The following RBFOX1 variants were observed in gnomAD, a reference collection of about 807,000 sequenced individuals.
RBFOX1 encodes RNA binding protein fox-1 homolog 1.
Under a neutral mutation model 57.7 loss-of-function variants are expected in RBFOX1, and 8 were observed. The observed-to-expected ratio is 0.14, with a 90% CI of 0.08 to 0.25. RBFOX1 has a LOEUF of 0.25. RBFOX1 is among the 10% of genes least tolerant of loss of function. The pLI, the probability that RBFOX1 is intolerant of heterozygous loss-of-function variation, is 1.00. For missense variants in RBFOX1, 611 were observed against 548.5 expected, an observed-to-expected ratio of 1.11 and a Z score of -1.14; for synonymous variants, 326 against 222.4, an observed-to-expected ratio of 1.47 and a Z score of -4.15.
At chr16:5,813,732 C>T (rs1489994758) in intron 3 of RBFOX1, among the ~76,000 whole-genome samples, 3 of 152,198 alleles carry the variant, frequency 2.0e-5, no homozygotes, top group Non-Finnish European at 4.4e-5. Flanking sequence ...ATGCTCTTAG[C>T]AGAGCTACTG....
At chr16:7,237,859 C>G (rs974941216) in intron 4 of RBFOX1, among the ~76,000 whole-genome samples, 1 of 152,116 alleles carries the variant, frequency 6.6e-6, no homozygotes, top group Non-Finnish European at 1.5e-5. Flanking sequence ...GAAAAATTAG[C>G]TGGACATGGT....
At chr16:7,637,487 A>G (rs1249436505) in intron 11 of RBFOX1, among the ~76,000 whole-genome samples, 1 of 152,212 alleles carries the variant, frequency 6.6e-6, no homozygotes, top group African/African-American at 2.4e-5. Context: ...AGAAACATAC[A>G]TAAATCAGGC....
intron 4 of RBFOX1, among the ~76,000 whole-genome samples, chr16:7,220,406 A>G (rs944152599): frequency 2.6e-5 from 4 of 152,192 alleles, no homozygotes; most frequent in East Asian, 1.9e-4. Flanking sequence ...AGAAGGTGCA[A>G]TGCATTACAA....
At chr16:6,044,267 T>G (rs958693441) in intron 1 of RBFOX1, among the ~76,000 whole-genome samples, 3 of 152,186 alleles carry the variant, frequency 2.0e-5, no homozygotes, top group African/African-American at 7.2e-5. Context: ...CCCCGAATCC[T>G]AAGGTGCTGT....
At chr16:7,567,823 ATATATATCCCCATATATATACC>A (rs1471996688) in intron 5 of RBFOX1, among the ~76,000 whole-genome samples, 3 of 149,128 alleles carry the variant, frequency 2.0e-5, no homozygotes, top group African/African-American at 7.4e-5. Context: ...ATATATACCT[ATATATATCCCCATATATATACC>A]TATATATATC....
At chr16:6,698,258 T>A (rs1224411926) in intron 3 of RBFOX1, among the ~76,000 whole-genome samples, 1 of 152,210 alleles carries the variant, frequency 6.6e-6, no homozygotes, top group Non-Finnish European at 1.5e-5. Context: ...CATTAAGATG[T>A]CCACAGAAGA....
intron 3 of RBFOX1, chr16:6,705,108 C>G (rs2062496810): frequency 6.6e-6 from 1 of 152,124 alleles, no homozygotes; most frequent in Non-Finnish European, 1.5e-5. Flanking sequence ...CCCTGTGGTC[C>G]TAGAGTTTCT....
At chr16:7,508,378 T>G (rs2074049546) in intron 4 of RBFOX1, among the ~76,000 whole-genome samples, 1 of 152,132 alleles carries the variant, frequency 6.6e-6, no homozygotes, top group Non-Finnish European at 1.5e-5. Flanking sequence ...TGTCTCTCTT[T>G]CCAAGGTTGA....
At chr16:6,204,660 G>A (rs528687111) in intron 1 of RBFOX1, among the ~76,000 whole-genome samples, 66 of 152,228 alleles carry the variant, frequency 4.3e-4, no homozygotes, top group African/African-American at 1.6e-3. Flanking sequence ...CTTAAAATGA[G>A]CCATTTATGG....
chr16:5,415,739 A>C (rs517827), intron 1 of RBFOX1, among the ~76,000 whole-genome samples: 90,675 of 152,090 alleles, frequency 0.6, 27,195 homozygotes, highest in Admixed American at 0.67. Flanking sequence ...AAAGGTGATT[A>C]TATTTAAAGA....
chr16:7,256,972 G>C (rs1050830151), intron 4 of RBFOX1, among the ~76,000 whole-genome samples: 1 of 152,080 alleles, frequency 6.6e-6, no homozygotes, highest in East Asian at 1.9e-4. Flanking sequence ...ATGTGTCATG[G>C]CTGGCATTCT....
intron 10 of RBFOX1, among the ~76,000 whole-genome samples, chr16:7,622,890 G>A (rs2059527194): frequency 6.6e-6 from 1 of 152,182 alleles, no homozygotes; most frequent in Admixed American, 6.5e-5. Context: ...AAAAGCATTA[G>A]GGATTAACTG....
At position 6,537,826 on chromosome 16, in the gene RBFOX1, C is replaced by A. The variant is rs192076006; in HGVS notation, c.-63-116777C>A. Among the ~76,000 whole-genome samples the A allele has an allele frequency of 5.3e-5, 8 of 152,060 alleles. No individual in the cohort carries two copies. The East Asian group carries it at 1.5e-3, about 29-fold the overall frequency. On this transcript the variant is annotated intron_variant, in intron 2 of 15. Transcript: ENST00000550418. ...TTCAGGAAATGATTTACATATCCAG[C>A]AGGAGTGATTTTCTTTATATATAGA...
intron 4 of RBFOX1, among the ~76,000 whole-genome samples, chr16:7,267,548 A>T (rs181788850): frequency 2.6e-4 from 39 of 151,720 alleles, no homozygotes; most frequent in Non-Finnish European, 3.8e-4. Flanking sequence ...CAAAAAATTT[A>T]AAAAAATAAT....
At chr16:7,613,822 T>C (rs1596507675) in intron 10 of RBFOX1, among the ~76,000 whole-genome samples, 1 of 152,286 alleles carries the variant, frequency 6.6e-6, no homozygotes, top group East Asian at 1.9e-4. Flanking sequence ...ACAATTTGGA[T>C]ACAATAGCAT....
chr16:7,312,992 T>A (rs2096352811), intron 4 of RBFOX1, among the ~76,000 whole-genome samples: 1 of 152,068 alleles, frequency 6.6e-6, no homozygotes, highest in African/African-American at 2.4e-5. Flanking sequence ...CCGGGGAAGC[T>A]GACACGTGCA....
intron 3 of RBFOX1, among the ~76,000 whole-genome samples, chr16:5,698,573 TGA>T (rs1471211940): frequency 6.6e-6 from 1 of 150,472 alleles, no homozygotes; most frequent in Non-Finnish European, 1.5e-5. Context: ...AAATACTGTA[TGA>T]CCCAGCACTT....
At chr16:7,625,539 T>G (rs2142275250) in intron 10 of RBFOX1, among the ~76,000 whole-genome samples, 1 of 152,344 alleles carries the variant, frequency 6.6e-6, no homozygotes, top group Middle Eastern at 3.4e-3. Flanking sequence ...TCATAAAGTC[T>G]AGCTGTTGTT....
At chr16:7,559,086 G>A (rs1024572415) in intron 5 of RBFOX1, among the ~76,000 whole-genome samples, 1 of 152,210 alleles carries the variant, frequency 6.6e-6, no homozygotes, top group Non-Finnish European at 1.5e-5. Flanking sequence ...CAGCATAGGA[G>A]AAAGGTTCAG....
Sources: allele counts gnomAD v4.1 joint callset (sites outside exome capture counted in the v4.1 genomes callset), GRCh38; gene constraint gnomAD v4.1.1; transcripts MANE v1.5; gene names NCBI Gene and HGNC (gene_info 2026-07-23, HGNC 2026-07-21).